The following ANKS1B variants were observed in gnomAD, a reference collection of about 807,000 sequenced individuals.
ANKS1B encodes the protein ankyrin repeat and sterile alpha motif domain-containing protein 1B.
ANKS1B carries 36 observed loss-of-function variants against 148.3 expected under a neutral mutation model. The observed-to-expected ratio is 0.24, with a 90% CI of 0.19 to 0.32. ANKS1B has a LOEUF of 0.32. Ranked by LOEUF, ANKS1B falls within the 10% of genes least tolerant of loss-of-function variation. ANKS1B has a pLI of 1.00. For missense variants in ANKS1B, 1,157 were observed against 1,542.6 expected, an observed-to-expected ratio of 0.75 and a Z score of 4.19; for synonymous variants, 542 against 560.8, an observed-to-expected ratio of 0.97 and a Z score of 0.47.
intron 9 of ANKS1B, among the ~76,000 whole-genome samples, chr12:99,614,075 A>AT (rs2097924695): frequency 6.6e-6 from 1 of 151,386 alleles, no homozygotes; most frequent in Non-Finnish European, 1.5e-5. Flanking sequence ...TCATTCATTT[A>AT]TTTTTCTTCA....
chr12:99,675,642 G>T (rs2098560024), intron 8 of ANKS1B, among the ~76,000 whole-genome samples: 1 of 151,734 alleles, frequency 6.6e-6, no homozygotes, highest in African/African-American at 2.4e-5. Context: ...ATGTGTCAAT[G>T]AAGTTATTTC....
At chr12:99,929,489 C>A (rs1206902405) in intron 1 of ANKS1B, among the ~76,000 whole-genome samples, 1 of 152,150 alleles carries the variant, frequency 6.6e-6, no homozygotes, top group Non-Finnish European at 1.5e-5. Context: ...TGTGCAGAAG[C>A]TTTTTAGTTT....
intron 1 of ANKS1B, among the ~76,000 whole-genome samples, chr12:99,855,649 C>G (rs1225411903): frequency 1.3e-5 from 2 of 152,080 alleles, no homozygotes; most frequent in African/African-American, 4.8e-5. Context: ...CCAAGATAGG[C>G]CATATGATAG....
At chr12:99,324,158 A>AT (rs2085859483) in intron 12 of ANKS1B, among the ~76,000 whole-genome samples, 1 of 152,146 alleles carries the variant, frequency 6.6e-6, no homozygotes, top group Non-Finnish European at 1.5e-5. Flanking sequence ...ATGGACATTA[A>AT]TTTTTTAAGT....
chr12:99,843,076 T>A (rs765065139), intron 1 of ANKS1B, among the ~76,000 whole-genome samples: 21 of 152,086 alleles, frequency 1.4e-4, no homozygotes, highest in Non-Finnish European at 2.9e-4. Context: ...AAGGCTTTTT[T>A]CCAACTTTTA....
chr12:99,330,569 T>C (rs935959822), intron 12 of ANKS1B, among the ~76,000 whole-genome samples: 5 of 152,012 alleles, frequency 3.3e-5, no homozygotes, highest in African/African-American at 7.2e-5. Context: ...TGCATCTGTT[T>C]TAGAAAGATT....
chr12:99,634,974 G>A lies in ANKS1B; in HGVS notation c.1272+20093C>T, dbSNP rs114937198. Among the ~76,000 whole-genome samples, 1,094 of 152,228 alleles carry A rather than the reference G, an allele frequency of 7.2e-3. 13 individuals carry two copies. The highest frequency in any genetic ancestry group is 0.024 in the African/African-American group (1,011 of 41,558). On this transcript the variant is annotated intron_variant, in intron 9 of 26. Transcript: ENST00000683438. ...AGACTTGAATAGACACTTTTCCAGA[G>A]AAGATATACAAATGGTCAACAAGCA...
At chr12:98,920,497 T>C (rs1162781325) in intron 17 of ANKS1B, among the ~76,000 whole-genome samples, 1 of 152,196 alleles carries the variant, frequency 6.6e-6, no homozygotes, top group African/African-American at 2.4e-5. Context: ...TCACATCTTA[T>C]GTGGATAGCA....
At chr12:99,771,774 C>A (rs186589046) in intron 8 of ANKS1B, among the ~76,000 whole-genome samples, 2,599 of 151,934 alleles carry the variant, frequency 0.017, 29 homozygotes, top group Non-Finnish European at 0.028. Flanking sequence ...AGCACAAAAA[C>A]AAAATGAAAC....
intron 10 of ANKS1B, among the ~76,000 whole-genome samples, chr12:99,451,869 C>A (rs1468705526): frequency 6.6e-6 from 1 of 151,898 alleles, no homozygotes; most frequent in Non-Finnish European, 1.5e-5. Context: ...TTATCTATTA[C>A]TATTATTATC....
At chr12:99,567,936 C>T (rs1443449873) in intron 9 of ANKS1B, among the ~76,000 whole-genome samples, 6 of 152,140 alleles carry the variant, frequency 3.9e-5, no homozygotes, top group African/African-American at 1.4e-4. Context: ...AGCTCCCCTG[C>T]CCCCAGCACC....
intron 9 of ANKS1B, among the ~76,000 whole-genome samples, chr12:99,525,534 C>T (rs2096918751): frequency 6.6e-6 from 1 of 152,036 alleles, no homozygotes; most frequent in African/African-American, 2.4e-5. Context: ...AGAAAAAATA[C>T]TTTAAAAGAA....
intron 11 of ANKS1B, among the ~76,000 whole-genome samples, chr12:99,421,085 A>G (rs2095065849): frequency 6.6e-6 from 1 of 152,200 alleles, no homozygotes; most frequent in African/African-American, 2.4e-5. Flanking sequence ...GATAATGTAA[A>G]TGAAAGACTA....
chr12:99,940,811 G>A (rs2094900467), intron 1 of ANKS1B, among the ~76,000 whole-genome samples: 1 of 152,114 alleles, frequency 6.6e-6, no homozygotes, highest in African/African-American at 2.4e-5. Context: ...TGGGACCAGA[G>A]CTTAGAGGGT....
chr12:99,736,765 T>C (rs1713831574), intron 8 of ANKS1B, among the ~76,000 whole-genome samples: 1 of 151,946 alleles, frequency 6.6e-6, no homozygotes, highest in Non-Finnish European at 1.5e-5. Context: ...GACAACCTAT[T>C]GAATGAAAGA....
chr12:98,736,411 G>A (rs538918933), intron 9 of ANKS1B, among the ~76,000 whole-genome samples: 1 of 152,338 alleles, frequency 6.6e-6, no homozygotes, highest in South Asian at 2.1e-4. Context: ...TTTAGCCTGA[G>A]CAACTGGAAG....
chr12:99,393,241 G>A (rs555762051), intron 12 of ANKS1B, among the ~76,000 whole-genome samples: 6 of 152,290 alleles, frequency 3.9e-5, no homozygotes, highest in Admixed American at 3.3e-4. Flanking sequence ...CCATTAAGGG[G>A]ACCCAAGAGA....
intron 17 of ANKS1B, among the ~76,000 whole-genome samples, chr12:98,934,577 T>C (rs1352926447): frequency 2.0e-5 from 3 of 152,162 alleles, no homozygotes; most frequent in African/African-American, 4.8e-5. Flanking sequence ...ATTTCAATAA[T>C]ATTAGATCTT....
At chr12:98,799,625 C>T (rs1427533953) in intron 21 of ANKS1B, among the ~76,000 whole-genome samples, 1 of 151,984 alleles carries the variant, frequency 6.6e-6, no homozygotes, top group Admixed American at 6.6e-5. Context: ...CTGAATGGAG[C>T]TAGAAGGATG....
Sources: gnomAD v4.1 joint callset for allele counts (sites outside exome capture counted in the v4.1 genomes callset) on GRCh38, gnomAD v4.1.1 for gene constraint, MANE v1.5 for transcripts, NCBI Gene and HGNC (gene_info 2026-07-23, HGNC 2026-07-21) for gene names.